PCDH15: variants seen among roughly 807,000 people sequenced by gnomAD.
The protein encoded by PCDH15 is protocadherin related 15, also known as protocadherin-15.
A neutral mutation model predicts 178.5 loss-of-function variants in PCDH15; 129 were observed. That is an observed-to-expected ratio of 0.72 (90% CI 0.63 to 0.84). The LOEUF (loss-of-function observed/expected upper bound fraction) is 0.84. Ranked by LOEUF, PCDH15 falls within the 40% of genes least tolerant of loss-of-function variation. The pLI, the probability that PCDH15 is intolerant of heterozygous loss-of-function variation, is 0.00. For synonymous variants in PCDH15, 800 were observed against 732.0 expected (o/e 1.09, Z -1.50); for missense variants, 2,230 against 2,099.9 (o/e 1.06, Z -1.21).
chr10:54,638,712 A>G (rs761664352), intron 2 of PCDH15, among the ~76,000 whole-genome samples: 2 of 152,160 alleles, frequency 1.3e-5, no homozygotes, highest in African/African-American at 4.8e-5. Context: ...AGAAATCATT[A>G]TATAAAAAAG....
chr10:54,270,387 T>C (rs2057973079), intron 8 of PCDH15, among the ~76,000 whole-genome samples: 1 of 152,132 alleles, frequency 6.6e-6, no homozygotes, highest in African/African-American at 2.4e-5. Flanking sequence ...CATGAACACA[T>C]TCTAAATTTG....
At chr10:54,220,172 T>A (rs2052621896) in intron 9 of PCDH15, among the ~76,000 whole-genome samples, 1 of 152,250 alleles carries the variant, frequency 6.6e-6, no homozygotes, top group African/African-American at 2.4e-5. Flanking sequence ...GCCGCTGAGC[T>A]GGGAAAGATT....
intron 10 of PCDH15, among the ~76,000 whole-genome samples, chr10:54,213,337 TTAAAA>T (rs1424310053): frequency 6.6e-6 from 1 of 152,064 alleles, no homozygotes; most frequent in Non-Finnish European, 1.5e-5. Context: ...AATGATTATA[TTAAAA>T]TATAGATATA....
chr10:55,153,696 T>A (rs1838799943), intron 2 of PCDH15, among the ~76,000 whole-genome samples: 1 of 152,160 alleles, frequency 6.6e-6, no homozygotes, highest in Non-Finnish European at 1.5e-5. Context: ...TGCTCCTTTT[T>A]CATTTGTCTT....
chr10:53,913,472 A>G (rs10763028), intron 25 of PCDH15, among the ~76,000 whole-genome samples: 108,864 of 151,738 alleles, frequency 0.72, 39,438 homozygotes, highest in East Asian at 1. Context: ...GGTGGCTCAC[A>G]CCTGTAATCC....
Position 55,505,872 on chromosome 10 carries a change from T to C in PCDH15, c.-156+121753A>G, listed in dbSNP as rs923002118. ...GGAAGACTTCCTTGAGGAAGTGACATTTTAGCTGAACCTCCAGGTGGCTTT... is the reference window on the plus strand; with the variant it reads ...GGAAGACTTCCTTGAGGAAGTGACACTTTAGCTGAACCTCCAGGTGGCTTT... On this transcript the variant is annotated intron_variant, in intron 2 of 5. Transcript: ENST00000613346. Among the ~76,000 whole-genome samples the C allele has an allele frequency of 2.6e-5, 4 of 151,412 alleles. No individual in the cohort carries two copies. In the East Asian group the frequency reaches 7.8e-4, roughly 29 times the overall value.
chr10:54,772,639 G>A (rs747971036), intron 1 of PCDH15, among the ~76,000 whole-genome samples: 5 of 152,106 alleles, frequency 3.3e-5, no homozygotes, highest in Admixed American at 6.6e-5. Flanking sequence ...GGTTGTGGAG[G>A]AAAGGGAAAG....
chr10:54,600,395 G>C (rs545446599), intron 2 of PCDH15: 1 of 560,342 alleles, frequency 1.8e-6, no homozygotes, highest in Non-Finnish European at 3.5e-6. Context: ...GCAAAAGGCA[G>C]TGGGAGGGAA....
At chr10:55,001,986 T>C (rs1260470567) in intron 2 of PCDH15, among the ~76,000 whole-genome samples, 1 of 152,220 alleles carries the variant, frequency 6.6e-6, no homozygotes, top group Non-Finnish European at 1.5e-5. Context: ...ACCCAAGATG[T>C]TTATCACTGA....
intron 2 of PCDH15, among the ~76,000 whole-genome samples, chr10:55,114,080 C>A (rs1265620012): frequency 6.6e-6 from 1 of 152,094 alleles, no homozygotes; most frequent in Admixed American, 6.5e-5. Context: ...TCCTGAGTAG[C>A]TGGGACTACA....
Position 54,185,190 on chromosome 10 carries a change from A to G in PCDH15, c.1384T>C (p.Tyr462His). The G allele has an allele frequency of 6.2e-7, 1 of 1,613,720 alleles. No homozygotes were observed. The highest frequency in any genetic ancestry group is 8.5e-7 in the Non-Finnish European group (1 of 1,179,730). The change falls in exon 12 of 38, where the codon TAC becomes CAC. Residue 462 changes from tyrosine to histidine, a missense_variant. Tyr to His is a moderately conservative substitution (Grantham distance 83). Coordinates refer to ENST00000644397, the MANE Select transcript of PCDH15 (RefSeq NM_001384140.1). ...FTVTQTGITRYLTLLQPVDRE... is the reference protein window; with the variant it reads ...FTVTQTGITRHLTLLQPVDRE... ...TCCACTGGTTGAAGTAAGGTGAGGTAGCGAGTAATACCAGTCTGTGTGACG... is the reference window on the plus strand; with the variant it reads ...TCCACTGGTTGAAGTAAGGTGAGGTGGCGAGTAATACCAGTCTGTGTGACG...
intron 2 of PCDH15, among the ~76,000 whole-genome samples, chr10:54,936,632 A>C (rs527295525): frequency 6.6e-6 from 1 of 151,790 alleles, no homozygotes; most frequent in Admixed American, 6.6e-5. Context: ...CAAATAACTA[A>C]TGATAATCAT....
intron 2 of PCDH15, among the ~76,000 whole-genome samples, chr10:55,609,011 T>TACAC (rs10627574): frequency 0.024 from 3,409 of 143,140 alleles, 62 homozygotes; most frequent in South Asian, 0.064. Context: ...ATGTTATATA[T>TACAC]ATATACACAC....
chr10:54,135,679 C>A (rs1193782619), intron 14 of PCDH15, among the ~76,000 whole-genome samples: 1 of 152,158 alleles, frequency 6.6e-6, no homozygotes, highest in African/African-American at 2.4e-5. Flanking sequence ...TCCTTCTTTT[C>A]TCTGATAGCA....
chr10:54,618,937 G>A (rs1161694612), intron 2 of PCDH15, among the ~76,000 whole-genome samples: 1 of 151,834 alleles, frequency 6.6e-6, no homozygotes, highest in Non-Finnish European at 1.5e-5. Flanking sequence ...CACTCCAGGA[G>A]GATATCAAAG....
chr10:55,438,905 TTTA>T (rs1390450037), intron 2 of PCDH15, among the ~76,000 whole-genome samples: 2 of 151,026 alleles, frequency 1.3e-5, no homozygotes, highest in African/African-American at 4.9e-5. Context: ...ATTATATTTA[TTTA>T]TTTTTTTTGA....
At chr10:55,019,571 C>G (rs1840273014) in intron 2 of PCDH15, among the ~76,000 whole-genome samples, 1 of 152,150 alleles carries the variant, frequency 6.6e-6, no homozygotes, top group African/African-American at 2.4e-5. Flanking sequence ...TTCATGTTAA[C>G]TGGGGCTAGG....
chr10:54,850,362 T>C (rs982459600), intron 3 of PCDH15, among the ~76,000 whole-genome samples: 2 of 152,098 alleles, frequency 1.3e-5, no homozygotes, highest in South Asian at 2.1e-4. Context: ...TTAGTGGTGA[T>C]TTGTGAGATT....
intron 18 of PCDH15, among the ~76,000 whole-genome samples, chr10:54,025,009 C>A (rs546248232): frequency 6.6e-4 from 101 of 151,984 alleles, no homozygotes; most frequent in Non-Finnish European, 1.2e-3. Flanking sequence ...ATCTTAAGAT[C>A]AAAAAAACTA....
Sources: gnomAD v4.1 joint callset for allele counts (sites outside exome capture counted in the v4.1 genomes callset) on GRCh38, gnomAD v4.1.1 for gene constraint, MANE v1.5 for transcripts, NCBI Gene and HGNC (gene_info 2026-07-23, HGNC 2026-07-21) for gene names.